The following SERGEF variants were observed in gnomAD, a reference collection of about 807,000 sequenced individuals.
The protein encoded by SERGEF is secretion-regulating guanine nucleotide exchange factor.
A neutral mutation model predicts 50.0 loss-of-function variants in SERGEF; 51 were observed. The ratio of observed to expected loss-of-function variants is 1.02; its 90% CI spans 0.81 to 1.29. SERGEF has a LOEUF of 1.29. Among genes scored for constraint, SERGEF ranks in the 50% most tolerant of loss-of-function variants. SERGEF has a pLI of 0.00. For missense variants in SERGEF, 521 were observed against 557.0 expected, an observed-to-expected ratio of 0.94 and a Z score of 0.65; for synonymous variants, 205 against 212.4, an observed-to-expected ratio of 0.97 and a Z score of 0.30.
chr11:17,952,858 C>T (rs575361022), intron 9 of SERGEF, among the ~76,000 whole-genome samples: 73 of 152,258 alleles, frequency 4.8e-4, no homozygotes, highest in African/African-American at 1.6e-3. Context: ...TCCCTGTTAG[C>T]GTTTCCTTGG....
intron 5 of SERGEF, among the ~76,000 whole-genome samples, chr11:17,998,770 C>A (rs1184767241): frequency 6.6e-6 from 1 of 150,690 alleles, no homozygotes; most frequent in African/African-American, 2.5e-5. Context: ...TCCCTCTCCA[C>A]AGGCACACCC....
intron 9 of SERGEF, among the ~76,000 whole-genome samples, chr11:17,941,878 A>C (rs1852568575): frequency 9.9e-5 from 15 of 152,056 alleles, no homozygotes; most frequent in Admixed American, 9.8e-4. Context: ...TTCTCTAATG[A>C]TTAGGGATGT....
At chr11:17,849,737 T>C (rs1359435451) in intron 10 of SERGEF, among the ~76,000 whole-genome samples, 1 of 152,238 alleles carries the variant, frequency 6.6e-6, no homozygotes, top group Non-Finnish European at 1.5e-5. Flanking sequence ...AAATATTATT[T>C]GACCCATTTT....
chr11:17,908,925 G>A (rs1449895895), intron 9 of SERGEF, among the ~76,000 whole-genome samples: 1 of 152,216 alleles, frequency 6.6e-6, no homozygotes, highest in Non-Finnish European at 1.5e-5. Flanking sequence ...CAGGGCCTGA[G>A]AGGTAAAACT....
intron 9 of SERGEF, among the ~76,000 whole-genome samples, chr11:17,933,122 G>A (rs1852386221): frequency 6.6e-6 from 1 of 152,146 alleles, no homozygotes. Flanking sequence ...CAATAATAAT[G>A]AAAAGTCAGC....
intron 7 of SERGEF, among the ~76,000 whole-genome samples, chr11:17,991,000 A>G (rs1249896350): frequency 2.0e-5 from 3 of 152,160 alleles, no homozygotes; most frequent in Admixed American, 2.0e-4. Context: ...ACCAGTGGCC[A>G]GGCTGGTCTT....
At chr11:17,966,430 T>A (rs141542143) in intron 8 of SERGEF, among the ~76,000 whole-genome samples, 148 of 152,226 alleles carry the variant, frequency 9.7e-4, no homozygotes, top group Middle Eastern at 3.4e-3. Context: ...AGTTTTCCCA[T>A]CTATAAAATG....
At chr11:17,988,554 C>T in intron 8 of SERGEF, 43 bp downstream of exon 8, 1 of 1,599,732 alleles carries the variant, frequency 6.3e-7, no homozygotes. Flanking sequence ...CAGCTGTCCC[C>T]CAGCTGCTCT....
chr11:17,937,733 T>C (rs1852482342), intron 9 of SERGEF, among the ~76,000 whole-genome samples: 1 of 151,978 alleles, frequency 6.6e-6, no homozygotes, highest in Non-Finnish European at 1.5e-5. Context: ...AAAAAAACAA[T>C]ATAAAGATGA....
At chr11:17,957,286 G>A (rs1852895926) in intron 9 of SERGEF, among the ~76,000 whole-genome samples, 1 of 152,192 alleles carries the variant, frequency 6.6e-6, no homozygotes, top group Non-Finnish European at 1.5e-5. Context: ...ATTTCAAACG[G>A]TAAGAAGAGA....
intron 9 of SERGEF, among the ~76,000 whole-genome samples, chr11:17,943,899 A>G (rs1170796509): frequency 6.6e-6 from 1 of 151,830 alleles, no homozygotes; most frequent in Non-Finnish European, 1.5e-5. Context: ...TTTGCTCGCT[A>G]TATCCCCTTC....
chr11:17,788,361 G>A lies in SERGEF; in HGVS notation c.1101C>T (p.Gly367=). The change falls in exon 11 of 11, where the codon GGC becomes GGT. Residue 367 remains glycine (G), a synonymous_variant. Transcript: ENST00000265965. ...TTGGGGCCCAGACGTTGGCTTCAGT[G>A]CCATCTCCGCACATGCCATGCTCAT... ...GWNEHGMCGD[G]TEANVWAPKP... is the part of the protein sequence containing the mutation. The A allele has an allele frequency of 6.2e-7, 1 of 1,614,024 alleles. No individual in the cohort carries two copies. The highest frequency in any genetic ancestry group is 8.5e-7 in the Non-Finnish European group (1 of 1,179,922).
At chr11:17,975,846 A>G (rs1053586065) in intron 8 of SERGEF, among the ~76,000 whole-genome samples, 1 of 152,196 alleles carries the variant, frequency 6.6e-6, no homozygotes, top group Non-Finnish European at 1.5e-5. Flanking sequence ...GGCCCAGGTC[A>G]AGCAAACTAC....
chr11:17,993,729 A>G (rs1322673390), intron 6 of SERGEF, among the ~76,000 whole-genome samples: 1 of 152,202 alleles, frequency 6.6e-6, no homozygotes, highest in Non-Finnish European at 1.5e-5. Flanking sequence ...CTCTGGAATG[A>G]TAACAGGACA....
chr11:17,911,518 G>C (rs960000001), intron 9 of SERGEF, among the ~76,000 whole-genome samples: 3 of 150,994 alleles, frequency 2.0e-5, no homozygotes, highest in Non-Finnish European at 4.4e-5. Flanking sequence ...TTTGAGACAG[G>C]ATCTCTCTGT....
chr11:18,008,799 T>G (rs1391062438), intron 1 of SERGEF, among the ~76,000 whole-genome samples: 1 of 151,826 alleles, frequency 6.6e-6, no homozygotes, highest in Non-Finnish European at 1.5e-5. Flanking sequence ...TTTCCCTAGC[T>G]GAACTTCAGC....
chr11:17,960,447 T>C (rs1852972922), intron 8 of SERGEF, among the ~76,000 whole-genome samples: 1 of 152,206 alleles, frequency 6.6e-6, no homozygotes, highest in African/African-American at 2.4e-5. Context: ...TCAACAGAAA[T>C]GCAAAATCTG....
At chr11:17,976,158 T>G (rs1433497173) in intron 8 of SERGEF, among the ~76,000 whole-genome samples, 1 of 152,162 alleles carries the variant, frequency 6.6e-6, no homozygotes, top group Non-Finnish European at 1.5e-5. Context: ...TTGGCCACAT[T>G]AAGCTTCCTC....
At chr11:17,988,513 G>C in intron 8 of SERGEF, 84 bp downstream of exon 8, 1 of 1,368,926 alleles carries the variant, frequency 7.3e-7, no homozygotes, top group Non-Finnish European at 1.0e-6. Flanking sequence ...CAGTAAAAAG[G>C]CTTAACCCCA....
Sources: allele counts gnomAD v4.1 joint callset (sites outside exome capture counted in the v4.1 genomes callset), GRCh38; gene constraint gnomAD v4.1.1; transcripts MANE v1.5; gene names NCBI Gene and HGNC (gene_info 2026-07-23, HGNC 2026-07-21).